ADCY9: variants seen among roughly 807,000 people sequenced by gnomAD.
The protein encoded by ADCY9 is adenylate cyclase 9.
Under a neutral mutation model 101.5 loss-of-function variants are expected in ADCY9, and 50 were observed. That is an observed-to-expected ratio of 0.49 (90% CI 0.39 to 0.62). The LOEUF (loss-of-function observed/expected upper bound fraction) is 0.62, where lower values mean the gene tolerates loss of function less well. Among genes scored for constraint, ADCY9 ranks in the 20% least tolerant of loss-of-function variants. The pLI is 0.00. For synonymous variants in ADCY9, 905 were observed against 769.3 expected (o/e 1.18, Z -2.92); for missense variants, 1,662 against 1,800.4 (o/e 0.92, Z 1.39).
chr16:4,052,078 C>A (rs1368215571), intron 2 of ADCY9, among the ~76,000 whole-genome samples: 1 of 152,190 alleles, frequency 6.6e-6, no homozygotes, highest in Non-Finnish European at 1.5e-5. Flanking sequence ...CGTGACAACC[C>A]TGCAGGGACT....
intron 2 of ADCY9, among the ~76,000 whole-genome samples, chr16:4,087,628 T>C (rs2056947741): frequency 6.7e-6 from 1 of 150,140 alleles, no homozygotes; most frequent in African/African-American, 2.4e-5. Context: ...GGGCACTGAG[T>C]CTGTGGGCAT....
intron 2 of ADCY9, among the ~76,000 whole-genome samples, chr16:4,056,934 T>C (rs2056742184): frequency 6.6e-6 from 1 of 150,882 alleles, no homozygotes; most frequent in Admixed American, 6.7e-5. Context: ...TGCAAATTGC[T>C]AAAGCTCTCC....
At chr16:4,089,117 A>G (rs548633940) in intron 2 of ADCY9, among the ~76,000 whole-genome samples, 75 of 94,178 alleles carry the variant, frequency 8.0e-4, no homozygotes, top group African/African-American at 3.7e-3. Flanking sequence ...TTTGAGACAG[A>G]GATTGCTCTG....
rs570033904 is a variant in ADCY9, at chr16:4,093,463, C to T, written c.1693+20287G>A. Among the ~76,000 whole-genome samples, 10 of 152,290 alleles carry T rather than the reference C, an allele frequency of 6.6e-5. No individual in the cohort carries two copies. The South Asian group carries it at 2.1e-3, about 32-fold the overall frequency. On this transcript the variant is annotated intron_variant, in intron 2 of 10. Coordinates refer to ENST00000294016, the MANE Select transcript of ADCY9 (RefSeq NM_001116.4). ...TTAAATCTCATGGAATCACGCCTTT[C>T]AGGAAAACGTCTGGACACTAGTGAA...
chr16:3,955,757 G>A (rs1236625506), intron 5 of ADCY9, among the ~76,000 whole-genome samples: 1 of 152,008 alleles, frequency 6.6e-6, no homozygotes, highest in Non-Finnish European at 1.5e-5. Flanking sequence ...CACCATATTG[G>A]CCAGGCTGGT....
At chr16:4,111,039 C>A (rs1597234266) in intron 2 of ADCY9, among the ~76,000 whole-genome samples, 2 of 152,196 alleles carry the variant, frequency 1.3e-5, no homozygotes, top group Admixed American at 6.5e-5. Context: ...GTGCCAGGGG[C>A]ACGACACAGA....
Position 3,992,211 on chromosome 16 carries a change from C to T in ADCY9, c.2142G>A (p.Pro714=), listed in dbSNP as rs758408536. 22 of 1,614,072 alleles carry T rather than the reference C, an allele frequency of 1.4e-5. No homozygotes were observed. The highest frequency in any genetic ancestry group is 8.0e-5 in the African/African-American group (6 of 74,924). ...GVSLDQSALL[P]LRFKNIREKT... is the part of the protein sequence containing the mutation. ...TCTCCCGGATGTTCTTGAACCTCAG[C>T]GGAAGGAGAGCCGACTGGTCCAGGC... is the stretch of plus-strand genomic sequence containing the variant. Residue 714 remains proline (P), a synonymous_variant, in exon 5 of 11, where the codon CCG becomes CCA. Coordinates refer to ENST00000294016, the MANE Select transcript of ADCY9 (RefSeq NM_001116.4). This position sits in a 1 kb window ranked among gnomAD's most constrained non-coding sequence, Gnocchi z 4.2.
Position 4,114,651 on chromosome 16 carries a change from C to T in ADCY9, c.792G>A (p.Arg264=). The change falls in exon 2 of 11, where the codon CGG becomes CGA. Residue 264 remains arginine, a synonymous_variant. Coordinates refer to ENST00000294016, the MANE Select transcript of ADCY9 (RefSeq NM_001116.4). This position sits in a 1 kb window ranked among gnomAD's most constrained non-coding sequence, Gnocchi z 4.3. ...VLFETFGYHF[R]DEACFPSPGA... Reference sequence around the variant, plus strand: ...CGGGCGAGGGGAAGCAGGCTTCATCCCGGAAATGGTAGCCAAAGGTCTCGA... The same window carrying T: ...CGGGCGAGGGGAAGCAGGCTTCATCTCGGAAATGGTAGCCAAAGGTCTCGA... The T allele has an allele frequency of 1.9e-6, 3 of 1,613,406 alleles. No homozygotes were observed. Among genetic ancestry groups the T allele is most frequent in the Non-Finnish European group, 2.5e-6 (3 of 1,180,038 alleles).
chr16:3,969,612 A>AT (rs58096084), intron 10 of ADCY9, among the ~76,000 whole-genome samples: 54 of 70,878 alleles, frequency 7.6e-4, no homozygotes, highest in Non-Finnish European at 1.1e-3. Context: ...ATATATATGT[A>AT]TTTTTTTTTT....
rs570302881 is a variant in ADCY9 at position 4,071,204 on chromosome 16, T to A, written c.1693+42546A>T. Among the ~76,000 whole-genome samples the A allele has an allele frequency of 1.1e-3, 161 of 151,472 alleles. 1 individual carries two copies. Among genetic ancestry groups the A allele is most frequent in the African/African-American group, 3.8e-3 (159 of 41,358 alleles). Reference sequence around the variant, plus strand: ...AATCAGCCAGCCATGGTGATCCATGTCTGTAATCCTAGCTACTCGGGAGGC... The same window carrying A: ...AATCAGCCAGCCATGGTGATCCATGACTGTAATCCTAGCTACTCGGGAGGC... On this transcript the variant is annotated intron_variant, in intron 2 of 10. Transcript: ENST00000294016.
intron 2 of ADCY9, among the ~76,000 whole-genome samples, chr16:4,093,038 A>G (rs1251342369): frequency 7.1e-6 from 1 of 140,766 alleles, no homozygotes; most frequent in East Asian, 1.9e-4. Flanking sequence ...TAAAAGCCAA[A>G]TAACAAGAGG....
chr16:4,024,142 C>A (rs2056497453), intron 2 of ADCY9, among the ~76,000 whole-genome samples: 1 of 151,986 alleles, frequency 6.6e-6, no homozygotes, highest in South Asian at 2.1e-4. Flanking sequence ...CCTGCCTCAG[C>A]CTCCTGAGTA....
At chr16:3,960,114 C>T (rs142498618), downstream of ADCY9, among the ~76,000 whole-genome samples, 5 of 152,256 alleles carry the variant, frequency 3.3e-5, no homozygotes, top group East Asian at 1.9e-4. Context: ...AGTCCAGAAA[C>T]GCTAGGAAAC....
chr16:4,003,095 AG>A, intron 3 of ADCY9, among the ~76,000 whole-genome samples: 1 of 152,196 alleles, frequency 6.6e-6, no homozygotes, highest in Non-Finnish European at 1.5e-5. Flanking sequence ...CATCACCCAC[AG>A]GGTTCATGAG....
chr16:4,054,812 C>A (rs189513273), intron 2 of ADCY9, among the ~76,000 whole-genome samples: 214 of 152,236 alleles, frequency 1.4e-3, no homozygotes, highest in African/African-American at 4.8e-3. Context: ...CGTGATCCAC[C>A]TGCCTCGACC....
At chr16:4,007,223 C>G in intron 3 of ADCY9, 145 bp downstream of exon 3, 5 of 663,526 alleles carry the variant, frequency 7.5e-6, no homozygotes, top group South Asian at 2.9e-5. Flanking sequence ...TAACTTTAGA[C>G]TAAATATTAA....
chr16:4,044,609 TC>T (rs2056649944), intron 2 of ADCY9, among the ~76,000 whole-genome samples: 1 of 152,174 alleles, frequency 6.6e-6, no homozygotes, highest in South Asian at 2.1e-4. Context: ...CAAACATACT[TC>T]CTTTAACCAC....
Position 3,963,069 on chromosome 16 carries a change from T to C in ADCY9, c.*2706A>G, listed in dbSNP as rs2055950779. Reference sequence around the variant, plus strand: ...AACTGATGCTCTACATTTGTTTGCATTGGATAAAATTGTGTGTGCTTGTTT... The same window carrying C: ...AACTGATGCTCTACATTTGTTTGCACTGGATAAAATTGTGTGTGCTTGTTT... On this transcript the variant is annotated 3_prime_UTR_variant, in exon 11 of 11. Transcript: ENST00000294016. 2 of 162,384 alleles carry C rather than the reference T, an allele frequency of 1.2e-5. 1 individual carries two copies. Among genetic ancestry groups the C allele is most frequent in the South Asian group, 4.3e-4 (2 of 4,622 alleles). 10.1% of individuals were successfully genotyped at this position (162,384 alleles called of 1,614,324 possible). A position where few individuals can be genotyped will look rare whatever the true frequency, so the allele number is the denominator to read the frequency against.
intron 2 of ADCY9, among the ~76,000 whole-genome samples, chr16:4,014,422 T>G (rs546648045): frequency 5.3e-5 from 8 of 152,014 alleles, no homozygotes; most frequent in African/African-American, 1.9e-4. Flanking sequence ...CCTGTTTAAT[T>G]TGATCTTCTG....
Sources: allele counts gnomAD v4.1 joint callset (sites outside exome capture counted in the v4.1 genomes callset), GRCh38; gene constraint gnomAD v4.1.1; non-coding constraint Gnocchi (gnomAD v3.1); transcripts MANE v1.5; gene names NCBI Gene and HGNC (gene_info 2026-07-23, HGNC 2026-07-21).